Variants in ARSG observed in about 807,000 individuals in gnomAD.
ARSG encodes the protein ASG.
Under a neutral mutation model 50.5 loss-of-function variants are expected in ARSG, and 37 were observed. The observed-to-expected ratio is 0.73, with a 90% confidence interval of 0.56 to 0.96. The LOEUF (loss-of-function observed/expected upper bound fraction) is 0.96, where lower values mean the gene tolerates loss of function less well. Ranked by LOEUF, ARSG falls within the 50% of genes least tolerant of loss-of-function variation. The pLI is 0.00. For missense variants in ARSG, 629 were observed against 675.3 expected (o/e 0.93, Z 0.76); for synonymous variants, 225 against 254.6 (o/e 0.88, Z 1.11).
rs2080435507 is a variant in ARSG, at chr17:68,381,585, A to C, written c.983-3479A>C. Among the ~76,000 whole-genome samples, 1 of 152,300 alleles carries C rather than the reference A, an allele frequency of 6.6e-6. No individual in the cohort carries two copies. Among genetic ancestry groups the C allele is most frequent in the Non-Finnish European group, 1.5e-5 (1 of 68,028 alleles). ...TATGACTTATAAGGTCATATTTATG[A>C]TGCTATGGCATAGAGGTATAAAGTC... On this transcript the variant is annotated intron_variant, in intron 8 of 11. Transcript: ENST00000621439. The surrounding 1 kb of genome is among the most constrained non-coding windows in gnomAD (Gnocchi z 4.1).
At chr17:68,285,053 T>C (rs1272854662) in intron 1 of ARSG, among the ~76,000 whole-genome samples, 2 of 152,242 alleles carry the variant, frequency 1.3e-5, no homozygotes, top group Admixed American at 6.5e-5. Flanking sequence ...AGAGATGGTC[T>C]CTGCCTCCAT....
At chr17:68,305,051 G>A (rs745543491) in intron 1 of ARSG, among the ~76,000 whole-genome samples, 1 of 152,200 alleles carries the variant, frequency 6.6e-6, no homozygotes, top group Non-Finnish European at 1.5e-5. Flanking sequence ...GCATACACTT[G>A]TAATTCTAGC....
At chr17:68,376,752 C>T (rs541508052) in intron 8 of ARSG, among the ~76,000 whole-genome samples, 16 of 152,178 alleles carry the variant, frequency 1.1e-4, no homozygotes, top group African/African-American at 2.7e-4. Flanking sequence ...GGGCAAGTAC[C>T]AGCCTCATTT....
intron 4 of ARSG, among the ~76,000 whole-genome samples, chr17:68,350,265 A>T (rs2078697555): frequency 6.6e-6 from 1 of 152,132 alleles, no homozygotes; most frequent in Non-Finnish European, 1.5e-5. Context: ...AGAGGGCCAA[A>T]AACGATTTGG....
intron 10 of ARSG, among the ~76,000 whole-genome samples, chr17:68,397,245 G>A (rs1439217531): frequency 1.3e-5 from 2 of 152,176 alleles, no homozygotes; most frequent in Admixed American, 1.3e-4. Flanking sequence ...TCACGGGGAG[G>A]TATGATGGCG....
chr17:68,296,459 T>C (rs373658587), intron 1 of ARSG, among the ~76,000 whole-genome samples: 1 of 152,312 alleles, frequency 6.6e-6, no homozygotes, highest in African/African-American at 2.4e-5. Context: ...GAGCAGTGCC[T>C]CCGTGAGTTT....
chr17:68,329,162 T>C (rs1476455302), intron 2 of ARSG, among the ~76,000 whole-genome samples: 1 of 152,110 alleles, frequency 6.6e-6, no homozygotes, highest in Non-Finnish European at 1.5e-5. Context: ...GGGCCAGCCA[T>C]GTGGAGACCA....
At chr17:68,279,552 G>C (rs548450770) in intron 1 of ARSG, among the ~76,000 whole-genome samples, 16 of 152,198 alleles carry the variant, frequency 1.1e-4, no homozygotes, top group African/African-American at 3.9e-4. Flanking sequence ...GTCTAAATAA[G>C]GTACTATTAT....
chr17:68,427,273 G>A (rs745712738), downstream of ARSG: 2 of 1,585,812 alleles, frequency 1.3e-6, no homozygotes, highest in South Asian at 1.1e-5. Flanking sequence ...ACAATCAAGA[G>A]GAGGTGAAAG....
At chr17:68,412,813 C>G (rs919106474) in intron 11 of ARSG, among the ~76,000 whole-genome samples, 3 of 151,972 alleles carry the variant, frequency 2.0e-5, no homozygotes, top group African/African-American at 7.2e-5. Context: ...GGAGGCTTTG[C>G]TCATTTCTTT....
the ARSG span, among the ~76,000 whole-genome samples, chr17:68,447,485 G>A: frequency 6.6e-6 from 1 of 152,172 alleles, no homozygotes; most frequent in South Asian, 2.1e-4. Flanking sequence ...GGGCTTAAAC[G>A]ATCCTCCTGC....
rs566460963 is a variant in ARSG at position 68,357,252 on chromosome 17, A to C, written c.704+448A>C. On this transcript the variant is annotated intron_variant, in intron 6 of 11. Coordinates refer to ENST00000621439, the MANE Select transcript of ARSG (RefSeq NM_001267727.2). ...AAACAACAGTAACTTACCCTGCTAC[A>C]GATCTGGAGGCCAGATGTCTGAAAT... Among the ~76,000 whole-genome samples, 6 of 152,362 alleles carry C rather than the reference A, an allele frequency of 3.9e-5. No individual in the cohort carries two copies. The East Asian group carries it at 1.2e-3, about 29-fold the overall frequency.
At chr17:68,353,301 C>G (rs180755187) in intron 5 of ARSG, among the ~76,000 whole-genome samples, 1 of 152,112 alleles carries the variant, frequency 6.6e-6, no homozygotes, top group Non-Finnish European at 1.5e-5. Context: ...CAATCCAGGT[C>G]TCTCTGAGTC....
chr17:68,437,562 A>T, the ARSG span, among the ~76,000 whole-genome samples: 1,659 of 152,142 alleles, frequency 0.011, 28 homozygotes, highest in African/African-American at 0.037. Context: ...AAGAAAAAAA[A>T]AAAAAGAAAC....
intron 2 of ARSG, among the ~76,000 whole-genome samples, chr17:68,322,187 C>G (rs1450320182): frequency 2.6e-5 from 4 of 152,234 alleles, no homozygotes; most frequent in Non-Finnish European, 1.5e-5. Context: ...ACCTGAGTTT[C>G]TCTAAGTTTT....
chr17:68,447,984 CAAAAA>C, the ARSG span, among the ~76,000 whole-genome samples: 4 of 80,280 alleles, frequency 5.0e-5, no homozygotes, highest in Admixed American at 4.2e-4. Context: ...GACTCTATCT[CAAAAA>C]AAAAAAAAAA....
chr17:68,306,972 C>G lies in ARSG; in HGVS notation c.-522C>G, dbSNP rs372368025. 5 of 152,526 alleles carry G rather than the reference C, an allele frequency of 3.3e-5. No individual in the cohort carries two copies. The highest frequency in any genetic ancestry group is 1.2e-4 in the African/African-American group (5 of 41,430). The allele number at this position is 152,526 out of a possible 1,614,324, so 9.4% of individuals were successfully genotyped here. On this transcript the variant is annotated 5_prime_UTR_variant, in exon 2 of 12. Transcript: ENST00000621439. ...CCTTACAGAAACATGAAGCCCTCAA[C>G]CATCTGCTACTCAGTTATTCGGGGC... is the stretch of plus-strand genomic sequence containing the variant.
chr17:68,436,260 C>T, the ARSG span: 1 of 836,274 alleles, frequency 1.2e-6, no homozygotes, highest in Non-Finnish European at 2.0e-6. Context: ...TTGAACAACT[C>T]CCCAGTATTG....
intron 1 of ARSG, chr17:68,274,245 C>T (rs1367485424): frequency 5.3e-6 from 3 of 566,310 alleles, no homozygotes; most frequent in East Asian, 3.0e-5. Flanking sequence ...GACGGAGGAT[C>T]GCTTGAGCCC....
Sources: gnomAD v4.1 joint callset for allele counts (sites outside exome capture counted in the v4.1 genomes callset) on GRCh38, gnomAD v4.1.1 for gene constraint, Gnocchi (gnomAD v3.1) non-coding constraint, MANE v1.5 for transcripts, NCBI Gene and HGNC (gene_info 2026-07-23, HGNC 2026-07-21) for gene names.